Variants in MFHAS1 observed in about 807,000 individuals in gnomAD.
The protein encoded by MFHAS1 is malignant fibrous histiocytoma-amplified sequence 1.
Under a neutral mutation model 70.4 loss-of-function variants are expected in MFHAS1, and 50 were observed. That is an observed-to-expected ratio of 0.71 (90% confidence interval 0.57 to 0.90). The LOEUF is 0.90. MFHAS1 is among the 40% of genes least tolerant of loss of function. The pLI, the probability that MFHAS1 is intolerant of heterozygous loss-of-function variation, is 0.00. For missense variants in MFHAS1, 1,795 were observed against 1,347.6 expected, an observed-to-expected ratio of 1.33 and a Z score of -5.20; for synonymous variants, 952 against 620.0, an observed-to-expected ratio of 1.54 and a Z score of -7.96.
rs1196620490 is a variant in MFHAS1, at chr8:8,890,082, G to T, written c.2977C>A (p.Pro993Thr). 1.2e-6 allele frequency: 2 copies of T among 1,606,268 alleles called. No individual in the cohort carries two copies. The highest frequency in any genetic ancestry group is 3.4e-5 in the Admixed American group (2 of 59,626). ...LCSKCLKRGS[P>T]NPHAFPGELL... ...TTACCTGGAAAAGCATGTGGATTGGGCGATCCTCTCTTAAGGCACTTAGAA... is the reference window on the plus strand; with the variant it reads ...TTACCTGGAAAAGCATGTGGATTGGTCGATCCTCTCTTAAGGCACTTAGAA... Residue 993 changes from proline to threonine, a missense_variant, in exon 1 of 3, where the codon CCC (proline) becomes ACC (threonine). By Grantham distance (38) the Pro-to-Thr change is conservative (BLOSUM62 -1). Coordinates refer to ENST00000276282, the MANE Select transcript of MFHAS1 (RefSeq NM_004225.3).
At chr8:8,849,324 GC>G (rs1808154819) in intron 1 of MFHAS1, among the ~76,000 whole-genome samples, 1 of 151,778 alleles carries the variant, frequency 6.6e-6, no homozygotes, top group South Asian at 2.1e-4. Context: ...CAAGTGGCCT[GC>G]CTGCCTCAGC....
intron 1 of MFHAS1, among the ~76,000 whole-genome samples, chr8:8,813,674 CTAAG>C (rs1806632928): frequency 6.6e-6 from 1 of 151,990 alleles, no homozygotes; most frequent in South Asian, 2.1e-4. Context: ...GTATTTTAAG[CTAAG>C]TGTTACTGTA....
intron 1 of MFHAS1, among the ~76,000 whole-genome samples, chr8:8,815,135 T>C (rs989358701): frequency 6.6e-6 from 1 of 152,116 alleles, no homozygotes; most frequent in African/African-American, 2.4e-5. Flanking sequence ...TCTGTTCCTG[T>C]GTTAGTTTGC....
rs758431755 is a variant in MFHAS1 at position 8,892,033 on chromosome 8, G to T, written c.1026C>A (p.Thr342=). The T allele has an allele frequency of 5.0e-6, 8 of 1,613,426 alleles. No individual in the cohort carries two copies. The highest frequency in any genetic ancestry group is 6.8e-6 in the Non-Finnish European group (8 of 1,179,994). ...RYLPDSIVEL[T]GLEELVLQGN... ...CCTGCAGCACGAGCTCCTCCAGGCC[G>T]GTCAGCTCCACGATGGAGTCCGGCA... The change falls in exon 1 of 3, where the codon ACC becomes ACA. Residue 342 remains threonine (T), a synonymous_variant. Coordinates refer to ENST00000276282, the MANE Select transcript of MFHAS1 (RefSeq NM_004225.3). The surrounding 1 kb of genome is among the most constrained non-coding windows in gnomAD (Gnocchi z 4.7).
At chr8:8,889,615 G>GT (rs1180436410) in intron 1 of MFHAS1, among the ~76,000 whole-genome samples, 3 of 152,154 alleles carry the variant, frequency 2.0e-5, no homozygotes, top group Non-Finnish European at 4.4e-5. Context: ...GAAAATTTAA[G>GT]TTTTTTAAAA....
In MFHAS1 at chr8:8,783,397, T is replaced by G. The variant is rs2117232687; in HGVS notation, c.*2625A>C. 1 of 152,358 alleles carries G rather than the reference T, an allele frequency of 6.6e-6. No homozygotes were observed. Among genetic ancestry groups the G allele is most frequent in the African/African-American group, 2.4e-5 (1 of 41,586 alleles). The allele number at this position is 152,358 out of a possible 1,614,324, so 9.4% of individuals were successfully genotyped here. A position where few individuals can be genotyped will look rare whatever the true frequency, so the allele number is the denominator to read the frequency against. ...TTTTTATTGATTTTTCTTTTTTAAT[T>G]TCTGCCCAGTTACAACAACGAAATG... is the stretch of plus-strand genomic sequence containing the variant. On this transcript the variant is annotated 3_prime_UTR_variant, in exon 3 of 3. Coordinates refer to ENST00000276282, the MANE Select transcript of MFHAS1 (RefSeq NM_004225.3).
chr8:8,796,333 A>G (rs1405608161), intron 2 of MFHAS1, among the ~76,000 whole-genome samples: 1 of 152,190 alleles, frequency 6.6e-6, no homozygotes, highest in East Asian at 1.9e-4. Flanking sequence ...GGCTTTGCTC[A>G]TGGAATGGGC....
chr8:8,790,363 A>C, intron 2 of MFHAS1: 1 of 985,158 alleles, frequency 1.0e-6, no homozygotes, highest in Non-Finnish European at 1.2e-6. Context: ...GTTTGGGTAC[A>C]GTAAAAATGA....
chr8:8,863,564 G>T (rs1013923411), intron 1 of MFHAS1, among the ~76,000 whole-genome samples: 4 of 152,146 alleles, frequency 2.6e-5, no homozygotes, highest in Non-Finnish European at 5.9e-5. Flanking sequence ...TGCACCCGTG[G>T]TCTCTAGTCC....
chr8:8,804,016 G>A (rs1231126745), intron 1 of MFHAS1, among the ~76,000 whole-genome samples: 2 of 152,102 alleles, frequency 1.3e-5, no homozygotes, highest in Non-Finnish European at 2.9e-5. Flanking sequence ...GAGGATGTTC[G>A]TAGGTTATGT....
At chr8:8,828,926 C>T (rs1807264176) in intron 1 of MFHAS1, among the ~76,000 whole-genome samples, 1 of 152,150 alleles carries the variant, frequency 6.6e-6, no homozygotes, top group Non-Finnish European at 1.5e-5. Flanking sequence ...TTAGATCAGG[C>T]TCTGTCAATC....
intron 1 of MFHAS1, among the ~76,000 whole-genome samples, chr8:8,800,865 C>G (rs536036683): frequency 3.3e-5 from 5 of 152,256 alleles, no homozygotes; most frequent in Admixed American, 6.5e-5. Flanking sequence ...CCTGGTGCAG[C>G]AGGCTTCTTG....
chr8:8,802,909 G>C (rs1364922927), intron 1 of MFHAS1, among the ~76,000 whole-genome samples: 10 of 152,194 alleles, frequency 6.6e-5, no homozygotes, highest in Non-Finnish European at 2.9e-5. Context: ...CCTTAAAGGG[G>C]CTGAGTTGCT....
intron 1 of MFHAS1, among the ~76,000 whole-genome samples, chr8:8,847,125 T>C (rs186743550): frequency 3.9e-5 from 6 of 152,326 alleles, no homozygotes; most frequent in African/African-American, 9.6e-5. Context: ...TTTTTCGTAA[T>C]TGGCAGGAAG....
chr8:8,826,601 C>T (rs985677374), intron 1 of MFHAS1, among the ~76,000 whole-genome samples: 18 of 152,064 alleles, frequency 1.2e-4, no homozygotes, highest in African/African-American at 3.6e-4. Flanking sequence ...AGCGTGGTGG[C>T]GGGCGCCTGT....
chr8:8,861,805 T>A (rs1024079197), intron 1 of MFHAS1, among the ~76,000 whole-genome samples: 2 of 152,208 alleles, frequency 1.3e-5, no homozygotes, highest in African/African-American at 4.8e-5. Flanking sequence ...TAGAACTTCA[T>A]ATAAATGGAG....
chr8:8,819,449 C>G (rs999842464), intron 1 of MFHAS1, among the ~76,000 whole-genome samples: 12 of 151,734 alleles, frequency 7.9e-5, no homozygotes, highest in Non-Finnish European at 1.6e-4. Flanking sequence ...ACTAAAAACA[C>G]AAAAAATTAG....
Position 8,881,314 on chromosome 8 carries a change from G to A in MFHAS1, c.2998+8747C>T, listed in dbSNP as rs1809513425. Among the ~76,000 whole-genome samples the A allele has an allele frequency of 2.0e-5, 3 of 152,194 alleles. No individual in the cohort carries two copies. In the South Asian group the frequency reaches 6.2e-4, roughly 32 times the overall value. ...TGGTCTCCAGAAATAAGTCAGCCCT[G>A]CTAGCAGTGGATTCTGGGAACTGTT... On this transcript the variant is annotated intron_variant, in intron 1 of 2. Coordinates refer to ENST00000276282, the MANE Select transcript of MFHAS1 (RefSeq NM_004225.3).
At chr8:8,801,884 C>T (rs906510827) in intron 1 of MFHAS1, among the ~76,000 whole-genome samples, 3 of 152,022 alleles carry the variant, frequency 2.0e-5, no homozygotes, top group East Asian at 3.9e-4. Flanking sequence ...TGGTGGAGTT[C>T]GGAGAAGGAG....
Sources: gnomAD v4.1 joint callset for allele counts (sites outside exome capture counted in the v4.1 genomes callset) on GRCh38, gnomAD v4.1.1 for gene constraint, Gnocchi (gnomAD v3.1) non-coding constraint, MANE v1.5 for transcripts, NCBI Gene and HGNC (gene_info 2026-07-23, HGNC 2026-07-21) for gene names.